The following MAPK6 variants were observed in gnomAD, a reference collection of about 807,000 sequenced individuals.
The protein encoded by MAPK6 is mitogen-activated protein kinase 6.
Under a neutral mutation model 59.3 loss-of-function variants are expected in MAPK6, and 19 were observed. The ratio of observed to expected loss-of-function variants is 0.32; its 90% CI spans 0.22 to 0.47. The LOEUF is 0.47. MAPK6 is among the 20% of genes least tolerant of loss of function. MAPK6 has a pLI of 1.00. For synonymous variants in MAPK6, 316 were observed against 290.3 expected, an observed-to-expected ratio of 1.09 and a Z score of -0.90; for missense variants, 724 against 847.9, an observed-to-expected ratio of 0.85 and a Z score of 1.81.
chr15:52,001,076 G>C (rs1167155949), intron 2 of MAPK6, among the ~76,000 whole-genome samples: 1 of 152,166 alleles, frequency 6.6e-6, no homozygotes, highest in Non-Finnish European at 1.5e-5. Context: ...GACTGTAAGA[G>C]GTGACTGAGG....
chr15:52,035,212 G>T (rs1406748903), intron 1 of MAPK6, among the ~76,000 whole-genome samples: 1 of 152,194 alleles, frequency 6.6e-6, no homozygotes, highest in African/African-American at 2.4e-5. Context: ...TGTCTCAGAG[G>T]TGTTTATTCC....
chr15:52,027,379 G>A (rs1469872664), intron 1 of MAPK6, among the ~76,000 whole-genome samples: 2 of 68,154 alleles, frequency 2.9e-5, no homozygotes, highest in Non-Finnish European at 6.3e-5. Context: ...GAAAATGCCT[G>A]TCACATAATA....
chr15:51,990,836 C>T (rs1030731302), intron 2 of MAPK6, among the ~76,000 whole-genome samples: 2 of 152,184 alleles, frequency 1.3e-5, no homozygotes, highest in Non-Finnish European at 2.9e-5. Context: ...CGCCTGTAGT[C>T]CCGGCTACTC....
At chr15:52,003,944 C>T (rs182021027) in intron 2 of MAPK6, among the ~76,000 whole-genome samples, 1 of 152,194 alleles carries the variant, frequency 6.6e-6, no homozygotes, top group Admixed American at 6.5e-5. Context: ...TGCTTATTGC[C>T]TCACATTTAC....
intron 2 of MAPK6, among the ~76,000 whole-genome samples, chr15:51,999,105 C>T (rs536597773): frequency 7.9e-5 from 12 of 152,114 alleles, no homozygotes; most frequent in Non-Finnish European, 1.5e-4. Context: ...AAGCGATTCT[C>T]CTGCCTCAGC....
chr15:52,007,385 A>T (rs1460784937), intron 3 of MAPK6, among the ~76,000 whole-genome samples: 1 of 152,198 alleles, frequency 6.6e-6, no homozygotes, highest in African/African-American at 2.4e-5. Flanking sequence ...TTGGTTCAAA[A>T]GGCAGAAAAA....
At chr15:52,042,424 G>T (rs933059448) in intron 1 of MAPK6, among the ~76,000 whole-genome samples, 2 of 152,118 alleles carry the variant, frequency 1.3e-5, no homozygotes, top group Non-Finnish European at 2.9e-5. Context: ...ACCTTCCCTA[G>T]TATCACTTTT....
In MAPK6 at chr15:52,064,058, G is replaced by A; in HGVS notation, c.1224G>A (p.Lys408=). The A allele has an allele frequency of 1.9e-6, 3 of 1,613,602 alleles. No individual in the cohort carries two copies. The highest frequency in any genetic ancestry group is 2.5e-6 in the Non-Finnish European group (3 of 1,179,746). The part of the protein sequence containing the change: ...PRKYLDGDRE[K]YLEDPAFDTN... ...AATATTTGGATGGAGATCGGGAAAA[G>A]TATCTGGAGGATCCTGCTTTTGATA... The change falls in exon 6 of 6, where the codon AAG becomes AAA. Residue 408 remains lysine (K), a synonymous_variant. Coordinates refer to ENST00000261845, the MANE Select transcript of MAPK6 (RefSeq NM_002748.4).
upstream of MAPK6, among the ~76,000 whole-genome samples, chr15:52,016,842 G>A (rs1187329584): frequency 7.9e-5 from 12 of 152,068 alleles, no homozygotes; most frequent in African/African-American, 2.7e-4. Context: ...TCAGGAGATC[G>A]AGACCATCCT....
At chr15:52,001,569 T>C (rs2057242041) in intron 2 of MAPK6, among the ~76,000 whole-genome samples, 1 of 145,938 alleles carries the variant, frequency 6.9e-6, no homozygotes, top group South Asian at 2.2e-4. Context: ...GGTGCAGTGG[T>C]ACAATCTCGG....
intron 2 of MAPK6, among the ~76,000 whole-genome samples, chr15:51,993,578 TTAAA>T (rs1457805141): frequency 6.6e-6 from 1 of 152,080 alleles, no homozygotes; most frequent in African/African-American, 2.4e-5. Context: ...ATTCATAATT[TTAAA>T]TATAGATAGA....
intron 2 of MAPK6, among the ~76,000 whole-genome samples, chr15:51,987,481 T>C (rs2057194446): frequency 6.6e-6 from 1 of 152,096 alleles, no homozygotes; most frequent in African/African-American, 2.4e-5. Flanking sequence ...GGCGTGCACC[T>C]GTAGTTCCAG....
chr15:52,046,205 G>T lies in MAPK6; in HGVS notation c.-256G>T, dbSNP rs759950144. The T allele has an allele frequency of 2.9e-6, 1 of 345,826 alleles. No individual in the cohort carries two copies. Among genetic ancestry groups the T allele is most frequent in the Non-Finnish European group, 5.2e-6 (1 of 190,478 alleles). The allele number at this position is 345,826 out of a possible 1,614,324, so 21.4% of individuals were successfully genotyped here. ...GTTTTCGTTAAATGTCTGCAGAGTT[G>T]CTGCCCCTTTCTTGAACTATGAGTA... On this transcript the variant is annotated 5_prime_UTR_variant, in exon 2 of 6. Coordinates refer to ENST00000261845, the MANE Select transcript of MAPK6 (RefSeq NM_002748.4).
At chr15:52,013,933 A>G (rs74013642) in intron 3 of MAPK6, among the ~76,000 whole-genome samples, 8,403 of 152,210 alleles carry the variant, frequency 0.055, 455 homozygotes, top group African/African-American at 0.13. Context: ...TGTAAAATCC[A>G]AAAGTTTTGG....
Position 51,980,856 on chromosome 15 carries a change from T to C in MAPK6, c.-879-2350T>C, listed in dbSNP as rs538782665. ...GTCCGCCCACCTCAGCCTCCCAGAG[T>C]GTTGGGATTACAGGCATGAGCCACC... On this transcript the variant is annotated intron_variant, in intron 1 of 7. Transcript: ENST00000691380. Among the ~76,000 whole-genome samples the C allele has an allele frequency of 9.0e-4, 136 of 151,226 alleles. 1 individual carries two copies. The highest frequency in any genetic ancestry group is 1.5e-3 in the Non-Finnish European group (103 of 67,732).
chr15:52,047,533 A>G (rs1039885454), intron 2 of MAPK6, among the ~76,000 whole-genome samples: 2 of 151,822 alleles, frequency 1.3e-5, no homozygotes, highest in South Asian at 2.1e-4. Flanking sequence ...TTTTTAGTAG[A>G]CAGGGTTTCA....
At position 52,025,568 on chromosome 15, in the gene MAPK6, T is replaced by C. The variant is rs142832103; in HGVS notation, c.-632+6192T>C. Among the ~76,000 whole-genome samples, 381 of 152,218 alleles carry C rather than the reference T, an allele frequency of 2.5e-3. 4 individuals carry two copies. Among genetic ancestry groups the C allele is most frequent in the African/African-American group, 8.9e-3 (369 of 41,560 alleles). ...CTGTAATGCCAGCACTTTGGGAGGCTGAGGCGGGCGGATCACGAGGTCAGG... is the reference window on the plus strand; with the variant it reads ...CTGTAATGCCAGCACTTTGGGAGGCCGAGGCGGGCGGATCACGAGGTCAGG... On this transcript the variant is annotated intron_variant, in intron 1 of 5. Coordinates refer to ENST00000261845, the MANE Select transcript of MAPK6 (RefSeq NM_002748.4).
intron 1 of MAPK6, among the ~76,000 whole-genome samples, chr15:52,044,891 CATT>C (rs897484790): frequency 2.0e-5 from 3 of 147,494 alleles, no homozygotes; most frequent in African/African-American, 7.5e-5. Flanking sequence ...TCCGGGTAAT[CATT>C]ATGAATTTGG....
chr15:52,015,634 G>A (rs905359885), upstream of MAPK6, among the ~76,000 whole-genome samples: 2 of 150,482 alleles, frequency 1.3e-5, no homozygotes, highest in South Asian at 2.1e-4. Flanking sequence ...CACCACGCCC[G>A]GCTAATTTTT....
Sources: gnomAD v4.1 joint callset for allele counts (sites outside exome capture counted in the v4.1 genomes callset) on GRCh38, gnomAD v4.1.1 for gene constraint, MANE v1.5 for transcripts, NCBI Gene and HGNC (gene_info 2026-07-23, HGNC 2026-07-21) for gene names.